The following CELF2 variants were observed in gnomAD, a reference collection of about 807,000 sequenced individuals.
CELF2 encodes CUG triplet repeat RNA-binding protein 2.
A neutral mutation model predicts 62.6 loss-of-function variants in CELF2; 8 were observed. That is an observed-to-expected ratio of 0.13 (90% CI 0.07 to 0.23). The LOEUF is 0.23. CELF2 is among the 10% of genes least tolerant of loss of function. The pLI is 1.00. For synonymous variants in CELF2, 258 were observed against 250.0 expected, an observed-to-expected ratio of 1.03 and a Z score of -0.30; for missense variants, 333 against 671.0, an observed-to-expected ratio of 0.50 and a Z score of 5.56.
chr10:11,219,608 A>T (rs1409175660), intron 3 of CELF2, among the ~76,000 whole-genome samples: 2 of 152,222 alleles, frequency 1.3e-5, no homozygotes, highest in Non-Finnish European at 2.9e-5. Context: ...TACATTTGCT[A>T]TTCCAAATAT....
At chr10:11,279,737 T>C (rs750793930) in intron 8 of CELF2, among the ~76,000 whole-genome samples, 1 of 152,166 alleles carries the variant, frequency 6.6e-6, no homozygotes, top group Non-Finnish European at 1.5e-5. Flanking sequence ...CTTCTCCTTA[T>C]AAATAATTTT....
chr10:10,681,415 G>A, the CELF2 span, among the ~76,000 whole-genome samples: 1 of 151,910 alleles, frequency 6.6e-6, no homozygotes, highest in Non-Finnish European at 1.5e-5. Context: ...TTCTAAAAGG[G>A]CCAGGTTGTA....
At chr10:11,132,018 C>T (rs1287005529) in intron 1 of CELF2, among the ~76,000 whole-genome samples, 1 of 152,212 alleles carries the variant, frequency 6.6e-6, no homozygotes, top group Non-Finnish European at 1.5e-5. Flanking sequence ...AAGTGGAAGA[C>T]TTGTGAATAT....
chr10:10,849,697 G>A (rs1337385991), intron 1 of CELF2, among the ~76,000 whole-genome samples: 4 of 152,024 alleles, frequency 2.6e-5, no homozygotes, highest in South Asian at 2.1e-4. Flanking sequence ...AATCTGGCTC[G>A]CTCTCCAATT....
chr10:10,728,041 T>C, the CELF2 span, among the ~76,000 whole-genome samples: 1 of 151,448 alleles, frequency 6.6e-6, no homozygotes, highest in Non-Finnish European at 1.5e-5. Context: ...CTGACTTGGG[T>C]TGGGAGAAGA....
chr10:10,933,951 A>G (rs1050868473), intron 2 of CELF2, among the ~76,000 whole-genome samples: 8 of 152,142 alleles, frequency 5.3e-5, no homozygotes, highest in Non-Finnish European at 1.0e-4. Flanking sequence ...TCCTTTGCAT[A>G]TTTACCCAAT....
At chr10:10,797,164 T>C (rs143277290), upstream of CELF2, among the ~76,000 whole-genome samples, 2 of 152,146 alleles carry the variant, frequency 1.3e-5, no homozygotes, top group African/African-American at 4.8e-5. Context: ...GGGAGCATCT[T>C]CCCCCCAGGA....
rs1448344866 is a variant in CELF2 at position 11,246,915 on chromosome 10, C to A, written c.355-2238C>A. ...CACATCAACCTTAGCATGTCCAGAC[C>A]TGCGCTCGTCAGCCGCCTCTGAAAC... is the stretch of plus-strand genomic sequence containing the variant. On this transcript the variant is annotated intron_variant, in intron 3 of 12. Coordinates refer to ENST00000633077, the MANE Select transcript of CELF2 (RefSeq NM_001326342.2). This position sits in a 1 kb window ranked among gnomAD's most constrained non-coding sequence, Gnocchi z 4.6. 6.6e-6 allele frequency among the ~76,000 whole-genome samples: 1 copy of A among 152,216 alleles called. No homozygotes were observed. Among genetic ancestry groups the A allele is most frequent in the Non-Finnish European group, 1.5e-5 (1 of 68,036 alleles).
chr10:10,828,511 G>A (rs1166094261), intron 1 of CELF2, among the ~76,000 whole-genome samples: 2 of 152,164 alleles, frequency 1.3e-5, no homozygotes, highest in African/African-American at 2.4e-5. Flanking sequence ...GGCACTGTGT[G>A]TGGGGAGAAT....
chr10:10,874,706 C>T (rs1488909333), intron 1 of CELF2, among the ~76,000 whole-genome samples: 1 of 152,044 alleles, frequency 6.6e-6, no homozygotes, highest in Non-Finnish European at 1.5e-5. Flanking sequence ...TTCCTGAAGG[C>T]TCAACTCAAA....
intron 7 of CELF2, among the ~76,000 whole-genome samples, chr10:11,271,941 C>G (rs900276406): frequency 1.3e-5 from 2 of 152,150 alleles, no homozygotes; most frequent in Admixed American, 1.3e-4. Context: ...TAACGTTACC[C>G]AGAATCAACC....
chr10:10,779,613 G>A, the CELF2 span, among the ~76,000 whole-genome samples: 1 of 152,200 alleles, frequency 6.6e-6, no homozygotes, highest in East Asian at 1.9e-4. Flanking sequence ...TCCAGCGAAG[G>A]GTTTTTCTGC....
chr10:10,767,327 G>C, the CELF2 span, among the ~76,000 whole-genome samples: 1 of 151,950 alleles, frequency 6.6e-6, no homozygotes, highest in Non-Finnish European at 1.5e-5. Context: ...CTGTTCCTGT[G>C]CTTATTTATG....
chr10:11,051,186 G>C (rs1216397199), intron 1 of CELF2, among the ~76,000 whole-genome samples: 1 of 152,158 alleles, frequency 6.6e-6, no homozygotes, highest in Non-Finnish European at 1.5e-5. Context: ...GGTTTTCTTA[G>C]AAAGATAACC....
At chr10:11,222,712 T>C (rs1173246351) in intron 3 of CELF2, among the ~76,000 whole-genome samples, 1 of 152,210 alleles carries the variant, frequency 6.6e-6, no homozygotes, top group Non-Finnish European at 1.5e-5. Context: ...AGTAAGTAGC[T>C]CTTACATAGT....
chr10:10,707,647 G>A, the CELF2 span, among the ~76,000 whole-genome samples: 2 of 152,220 alleles, frequency 1.3e-5, no homozygotes, highest in African/African-American at 4.8e-5. Context: ...TGCTGAAGCA[G>A]AAGCGGACGA....
rs1213801139 is a variant in CELF2 at position 11,243,370 on chromosome 10, A to T, written c.355-5783A>T. ...GGCAAAATGTTATTCAAAAAAAAAA[A>T]AAAAAAGCTTCTAAAAATTCATGTA... On this transcript the variant is annotated intron_variant, in intron 3 of 12. Transcript: ENST00000633077. This position sits in a 1 kb window ranked among gnomAD's most constrained non-coding sequence, Gnocchi z 4.1. 6.6e-6 allele frequency among the ~76,000 whole-genome samples: 1 copy of T among 152,184 alleles called. No homozygotes were observed. The highest frequency in any genetic ancestry group is 2.4e-5 in the African/African-American group (1 of 41,444).
intron 3 of CELF2, among the ~76,000 whole-genome samples, chr10:11,218,979 A>G (rs1313301779): frequency 1.3e-5 from 2 of 152,226 alleles, no homozygotes; most frequent in East Asian, 1.9e-4. Flanking sequence ...AATCAAACCC[A>G]AAGACCACTT....
rs1479631195 is a variant in CELF2 at position 11,047,029 on chromosome 10, G to T, written c.74+28866G>T. Reference sequence around the variant, plus strand: ...GCTGGAGTATTTCTTCACCAGAAAAGAATTTTGGAGGGGCGGGGGAGGTTG... The same window carrying T: ...GCTGGAGTATTTCTTCACCAGAAAATAATTTTGGAGGGGCGGGGGAGGTTG... On this transcript the variant is annotated intron_variant, in intron 1 of 12. Transcript: ENST00000633077. Among the ~76,000 whole-genome samples the T allele has an allele frequency of 4.0e-5, 6 of 150,414 alleles. No individual in the cohort carries two copies. The East Asian group carries it at 8.0e-4, about 20-fold the overall frequency.
Sources: gnomAD v4.1 joint callset for allele counts (sites outside exome capture counted in the v4.1 genomes callset) on GRCh38, gnomAD v4.1.1 for gene constraint, Gnocchi (gnomAD v3.1) non-coding constraint, MANE v1.5 for transcripts, NCBI Gene and HGNC (gene_info 2026-07-23, HGNC 2026-07-21) for gene names.